SCAMP1: variants seen among roughly 807,000 people sequenced by gnomAD.
SCAMP1 encodes the protein secretory carrier-associated membrane protein 1.
A neutral mutation model predicts 41.8 loss-of-function variants in SCAMP1; 15 were observed. The ratio of observed to expected loss-of-function variants is 0.36; its 90% CI spans 0.24 to 0.55. The LOEUF (loss-of-function observed/expected upper bound fraction) is 0.55. Among genes scored for constraint, SCAMP1 ranks in the 20% least tolerant of loss-of-function variants. The pLI is 0.86. For missense variants in SCAMP1, 341 were observed against 412.6 expected (o/e 0.83, Z 1.50); for synonymous variants, 135 against 136.8 (o/e 0.99, Z 0.09).
At chr5:78,416,162 C>G (rs1385346301) in intron 3 of SCAMP1, among the ~76,000 whole-genome samples, 1 of 152,100 alleles carries the variant, frequency 6.6e-6, no homozygotes, top group South Asian at 2.1e-4. Flanking sequence ...TTAATAGGAG[C>G]CAATTCAGTT....
At position 78,457,443 on chromosome 5, in the gene SCAMP1, C is replaced by A. The variant is rs1216277141; in HGVS notation, c.735-1802C>A. Among the ~76,000 whole-genome samples the A allele has an allele frequency of 4.6e-5, 7 of 152,096 alleles. No individual in the cohort carries two copies. The East Asian group carries it at 5.8e-4, about 13-fold the overall frequency. ...CTGCAGGTCTGTTGGAATACCCTGT[C>A]GTGTAAGGTGTCAGTGTGCCCCTGC... On this transcript the variant is annotated intron_variant, in intron 7 of 8. Transcript: ENST00000621999.
intron 1 of SCAMP1, among the ~76,000 whole-genome samples, chr5:78,373,483 A>G (rs933353812): frequency 2.6e-5 from 4 of 152,092 alleles, no homozygotes; most frequent in African/African-American, 7.2e-5. Context: ...AAGTTGCCAC[A>G]TGGGGATAAA....
chr5:78,427,569 A>G (rs756275986), intron 6 of SCAMP1, among the ~76,000 whole-genome samples: 1 of 152,090 alleles, frequency 6.6e-6, no homozygotes, highest in Non-Finnish European at 1.5e-5. Flanking sequence ...CCTTACTGGG[A>G]TGAAACTTTT....
At chr5:78,469,474 CA>C (rs749920453) in intron 8 of SCAMP1, among the ~76,000 whole-genome samples, 136 of 135,770 alleles carry the variant, frequency 1.0e-3, no homozygotes, top group Non-Finnish European at 1.0e-3. Context: ...GTATATTCAC[CA>C]AAAAAAAAAA....
intron 7 of SCAMP1, among the ~76,000 whole-genome samples, chr5:78,451,795 C>T (rs1222688565): frequency 1.3e-5 from 2 of 152,192 alleles, no homozygotes; most frequent in Non-Finnish European, 2.9e-5. Flanking sequence ...GCTGGGATTA[C>T]AGGCGCCTGC....
At chr5:78,441,053 T>C (rs532805415) in intron 6 of SCAMP1, among the ~76,000 whole-genome samples, 3 of 152,284 alleles carry the variant, frequency 2.0e-5, no homozygotes, top group Admixed American at 6.5e-5. Context: ...CTAAGACCAT[T>C]GGAAAAGCAC....
At chr5:78,376,876 A>G (rs973725682) in intron 1 of SCAMP1, among the ~76,000 whole-genome samples, 5 of 152,132 alleles carry the variant, frequency 3.3e-5, no homozygotes, top group African/African-American at 1.2e-4. Flanking sequence ...AAGATGATCA[A>G]GACTTGAAAT....
intron 2 of SCAMP1, 52 bp downstream of exon 2, chr5:78,388,966 T>C: frequency 2.2e-6 from 2 of 897,588 alleles, no homozygotes; most frequent in Non-Finnish European, 3.5e-6. Flanking sequence ...GTAGGAATTC[T>C]ATTTTAACTA....
chr5:78,422,034 A>C, intron 6 of SCAMP1, 74 bp downstream of exon 6: 1 of 1,260,712 alleles, frequency 7.9e-7, no homozygotes, highest in Non-Finnish European at 1.1e-6. Context: ...CATTAAAGGG[A>C]AAATTGATGC....
chr5:78,390,938 A>G (rs1217955175), intron 2 of SCAMP1, among the ~76,000 whole-genome samples: 1 of 150,340 alleles, frequency 6.7e-6, no homozygotes. Context: ...GAGTGGACAC[A>G]GCACATGTTT....
At chr5:78,365,045 TA>T (rs1400952305) in intron 1 of SCAMP1, among the ~76,000 whole-genome samples, 1 of 152,176 alleles carries the variant, frequency 6.6e-6, no homozygotes, top group Non-Finnish European at 1.5e-5. Context: ...TACTATTTTG[TA>T]AAATAGGGTA....
intron 8 of SCAMP1, among the ~76,000 whole-genome samples, chr5:78,462,623 T>C (rs908358845): frequency 3.3e-5 from 5 of 152,162 alleles, no homozygotes; most frequent in Admixed American, 3.3e-4. Flanking sequence ...ACACCCAGTC[T>C]GTATCTTGAA....
chr5:78,398,116 T>TG (rs1751699923), intron 2 of SCAMP1, among the ~76,000 whole-genome samples: 1 of 152,090 alleles, frequency 6.6e-6, no homozygotes, highest in Admixed American at 6.5e-5. Flanking sequence ...CCAAAAGAAG[T>TG]GAAAACATAT....
chr5:78,433,162 AC>A (rs1330772818), intron 6 of SCAMP1, among the ~76,000 whole-genome samples: 1 of 152,182 alleles, frequency 6.6e-6, no homozygotes, highest in Non-Finnish European at 1.5e-5. Flanking sequence ...GAGTCTAAGA[AC>A]ATATTAGTCA....
In SCAMP1 at chr5:78,360,694, C is replaced by T; in HGVS notation, c.23C>T (p.Pro8Leu). 2.5e-6 allele frequency: 4 copies of T among 1,610,980 alleles called. No individual in the cohort carries two copies. The highest frequency in any genetic ancestry group is 3.4e-6 in the Non-Finnish European group (4 of 1,178,760). ...GAGATGTCGGATTTCGACAGTAACCCGTTTGCCGACCCGGATCTCAACAAT... is the reference window on the plus strand; with the variant it reads ...GAGATGTCGGATTTCGACAGTAACCTGTTTGCCGACCCGGATCTCAACAAT... MSDFDSN[P>L]FADPDLNNPF... The change falls in exon 1 of 9, where the codon CCG becomes CTG. Residue 8 changes from proline to leucine, a missense_variant. Transcript: ENST00000621999.
At position 78,410,384 on chromosome 5, in the gene SCAMP1, T is replaced by G. The variant is rs781424270; in HGVS notation, c.136-5136T>G. 4.3e-4 allele frequency among the ~76,000 whole-genome samples: 66 copies of G among 151,998 alleles called. 1 individual carries two copies. Among genetic ancestry groups the G allele is most frequent in the Admixed American group, 2.1e-3 (32 of 15,262 alleles). ...TCAATGTTCAGTTCCCACTTATGAG[T>G]GGGAACATGCTGTTTGGTTTTCTGT... On this transcript the variant is annotated intron_variant, in intron 2 of 8. Coordinates refer to ENST00000621999, the MANE Select transcript of SCAMP1 (RefSeq NM_004866.6).
In SCAMP1 at chr5:78,478,629, G is replaced by T. The variant is rs956648567; in HGVS notation, c.*2961G>T. 1 of 152,102 alleles carries T rather than the reference G, an allele frequency of 6.6e-6. No homozygotes were observed. The highest frequency in any genetic ancestry group is 1.5e-5 in the Non-Finnish European group (1 of 67,976). 9.4% of individuals were successfully genotyped at this position (152,102 alleles called of 1,614,324 possible). On this transcript the variant is annotated 3_prime_UTR_variant, in exon 9 of 9. Transcript: ENST00000621999. ...TTGTGGGTTAAAAATGGGTGTCTCT[G>T]TACTAGTATTGTATTTATTCAATTG...
chr5:78,374,933 C>G (rs978793044), intron 1 of SCAMP1, among the ~76,000 whole-genome samples: 1 of 152,010 alleles, frequency 6.6e-6, no homozygotes, highest in East Asian at 1.9e-4. Context: ...GCTAAATACA[C>G]TTGTCTTAGA....
chr5:78,396,841 A>G (rs989378137), intron 2 of SCAMP1, among the ~76,000 whole-genome samples: 1 of 152,258 alleles, frequency 6.6e-6, no homozygotes, highest in Admixed American at 6.5e-5. Context: ...TAGAGCAAAT[A>G]AAATTAAGAC....
Sources: allele counts gnomAD v4.1 joint callset (sites outside exome capture counted in the v4.1 genomes callset), GRCh38; gene constraint gnomAD v4.1.1; transcripts MANE v1.5; gene names NCBI Gene and HGNC (gene_info 2026-07-23, HGNC 2026-07-21).